Variants in NEDD4L observed in about 807,000 individuals in gnomAD.
NEDD4L encodes the protein E3 ubiquitin-protein ligase NEDD4-like.
In NEDD4L, 54 loss-of-function variants were observed where a neutral mutation model predicts 148.9. The observed-to-expected ratio is 0.36, with a 90% CI of 0.29 to 0.45. The LOEUF (loss-of-function observed/expected upper bound fraction) is 0.45, where lower values mean the gene tolerates loss of function less well. NEDD4L is among the 20% of genes least tolerant of loss of function. The probability of loss-of-function intolerance (pLI) is 1.00; values close to 1 mark genes in which losing one functional copy is unlikely to be tolerated. For missense variants in NEDD4L, 856 were observed against 1,233.8 expected, an observed-to-expected ratio of 0.69 and a Z score of 4.59; for synonymous variants, 433 against 440.7, an observed-to-expected ratio of 0.98 and a Z score of 0.22.
chr18:58,368,993 CAG>C lies in NEDD4L; in HGVS notation c.2185+1127_2185+1128del, dbSNP rs1392930664. 7.2e-5 allele frequency among the ~76,000 whole-genome samples: 11 copies of C among 152,258 alleles called. No homozygotes were observed. In the East Asian group the frequency reaches 9.6e-4, roughly 13 times the overall value. ...ACAGTGTCTTTAATACCCTCTCTAA[CAG>C]GGGGTAATAGAGAAGCATAAGATAT... On this transcript the variant is annotated intron_variant, in intron 22 of 30. Coordinates refer to ENST00000400345, the MANE Select transcript of NEDD4L (RefSeq NM_001144967.3).
intron 1 of NEDD4L, among the ~76,000 whole-genome samples, chr18:58,155,932 C>T (rs1175558394): frequency 6.6e-6 from 1 of 152,212 alleles, no homozygotes; most frequent in Non-Finnish European, 1.5e-5. Flanking sequence ...AAGTTGGTGG[C>T]ACTGGGCTTC....
At chr18:58,370,184 C>T (rs2046663666) in intron 22 of NEDD4L, among the ~76,000 whole-genome samples, 1 of 152,208 alleles carries the variant, frequency 6.6e-6, no homozygotes, top group Non-Finnish European at 1.5e-5. Context: ...TCTGGCCCCA[C>T]TCTGCTGCGC....
At chr18:58,046,890 T>C (rs1356290340) in intron 1 of NEDD4L, 1 of 152,234 alleles carries the variant, frequency 6.6e-6, no homozygotes, top group Non-Finnish European at 1.5e-5. Flanking sequence ...CTTTTTCAAC[T>C]TTCTCCTACC....
chr18:58,045,759 A>G (rs1340571016), intron 1 of NEDD4L: 1 of 152,144 alleles, frequency 6.6e-6, no homozygotes, highest in Non-Finnish European at 1.5e-5. Context: ...GGTGAATTTT[A>G]CAACCCAAGA....
At chr18:58,285,785 G>C (rs1449235463) in intron 5 of NEDD4L, among the ~76,000 whole-genome samples, 1 of 152,180 alleles carries the variant, frequency 6.6e-6, no homozygotes, top group Non-Finnish European at 1.5e-5. Flanking sequence ...TTTTATGGAA[G>C]CAGAATATTG....
chr18:58,089,944 A>T (rs1204889746), intron 1 of NEDD4L, among the ~76,000 whole-genome samples: 2 of 148,264 alleles, frequency 1.3e-5, no homozygotes, highest in Non-Finnish European at 1.5e-5. Context: ...AGCTCAAGTG[A>T]CTCTCCTGCC....
intron 2 of NEDD4L, among the ~76,000 whole-genome samples, chr18:58,205,775 T>A (rs1377115315): frequency 2.6e-5 from 4 of 151,890 alleles, no homozygotes; most frequent in Non-Finnish European, 5.9e-5. Flanking sequence ...GGCATTCTGG[T>A]AGAATATAGT....
At chr18:58,338,697 A>G (rs1056005576) in intron 13 of NEDD4L, among the ~76,000 whole-genome samples, 7 of 152,132 alleles carry the variant, frequency 4.6e-5, no homozygotes, top group South Asian at 2.1e-4. Flanking sequence ...GGGTGGATCA[A>G]TTGAAGTCAG....
rs188609541 is a variant in NEDD4L, at chr18:58,323,844, G to A, written c.513+510G>A. Among the ~76,000 whole-genome samples, 375 of 152,166 alleles carry A rather than the reference G, an allele frequency of 2.5e-3. 1 individual carries two copies. The highest frequency in any genetic ancestry group is 7.3e-3 in the Admixed American group (111 of 15,284). ...CCCTTTTTTCCTTCCTGACAGAGCC[G>A]CCTGTATTTACCTTGTCACAGACTG... On this transcript the variant is annotated intron_variant, in intron 8 of 30. Coordinates refer to ENST00000400345, the MANE Select transcript of NEDD4L (RefSeq NM_001144967.3).
At chr18:58,154,705 T>G (rs1301010936) in intron 1 of NEDD4L, among the ~76,000 whole-genome samples, 1 of 152,216 alleles carries the variant, frequency 6.6e-6, no homozygotes, top group Non-Finnish European at 1.5e-5. Context: ...GAGAATCGCT[T>G]GAACCCAGGG....
At chr18:58,101,430 G>C (rs1599277473) in intron 1 of NEDD4L, among the ~76,000 whole-genome samples, 1 of 152,140 alleles carries the variant, frequency 6.6e-6, no homozygotes, top group East Asian at 1.9e-4. Flanking sequence ...TTTTTGTTCT[G>C]TTGGTTTAAT....
intron 2 of NEDD4L, among the ~76,000 whole-genome samples, chr18:58,184,059 C>T (rs1568345595): frequency 6.6e-6 from 1 of 152,104 alleles, no homozygotes; most frequent in Non-Finnish European, 1.5e-5. Context: ...GTCCCAGCTA[C>T]TCAGGAGGCT....
rs1402781219 is a variant in NEDD4L, at chr18:58,398,328, C to G, written c.*2059C>G. On this transcript the variant is annotated 3_prime_UTR_variant, in exon 31 of 31. Transcript: ENST00000400345. ...GCAGTTTTCTTTTTAAGAATCATGC[C>G]AGAGCCTGAGTCGAGCAGTATGCTT... The G allele has an allele frequency of 6.6e-6, 1 of 151,400 alleles. No individual in the cohort carries two copies. The highest frequency in any genetic ancestry group is 2.1e-4 in the South Asian group (1 of 4,802). The allele number at this position is 151,400 out of a possible 1,614,324, so 9.4% of individuals were successfully genotyped here.
At chr18:58,307,302 C>T (rs1319214151) in intron 5 of NEDD4L, among the ~76,000 whole-genome samples, 1 of 145,114 alleles carries the variant, frequency 6.9e-6, no homozygotes, top group Non-Finnish European at 1.5e-5. Context: ...AGCACACTAG[C>T]AGGACTCCAG....
chr18:58,109,562 T>G (rs1288256386), intron 1 of NEDD4L, among the ~76,000 whole-genome samples: 1 of 125,670 alleles, frequency 8.0e-6, no homozygotes, highest in Admixed American at 7.7e-5. Flanking sequence ...AACTAGGAGG[T>G]TTTTTTTTTG....
At chr18:58,351,564 A>G (rs767485500) in intron 18 of NEDD4L, among the ~76,000 whole-genome samples, 14 of 152,226 alleles carry the variant, frequency 9.2e-5, no homozygotes, top group Non-Finnish European at 1.8e-4. Context: ...TATATTTGCT[A>G]TAGACATTTG....
intron 1 of NEDD4L, among the ~76,000 whole-genome samples, chr18:58,078,167 C>A (rs2083265836): frequency 6.6e-6 from 1 of 152,116 alleles, no homozygotes; most frequent in African/African-American, 2.4e-5. Flanking sequence ...TCATCACTGC[C>A]TACCTGGTTT....
At chr18:58,393,338 C>T (rs932185688) in intron 30 of NEDD4L, among the ~76,000 whole-genome samples, 1 of 152,144 alleles carries the variant, frequency 6.6e-6, no homozygotes, top group Non-Finnish European at 1.5e-5. Flanking sequence ...GGAATTTGGA[C>T]TTCATTGGTC....
chr18:58,073,470 C>CA (rs1178076938), intron 1 of NEDD4L, among the ~76,000 whole-genome samples: 2 of 152,164 alleles, frequency 1.3e-5, no homozygotes, highest in African/African-American at 4.8e-5. Context: ...GTGTTTTTGA[C>CA]AGGGGTGTTA....
Sources: gnomAD v4.1 joint callset for allele counts (sites outside exome capture counted in the v4.1 genomes callset) on GRCh38, gnomAD v4.1.1 for gene constraint, MANE v1.5 for transcripts, NCBI Gene and HGNC (gene_info 2026-07-23, HGNC 2026-07-21) for gene names.